Variants in AKAP6 observed in about 807,000 individuals in gnomAD.
The protein encoded by AKAP6 is A-kinase anchor protein 6.
In AKAP6, 58 loss-of-function variants were observed where a neutral mutation model predicts 188.5. The ratio of observed to expected loss-of-function variants is 0.31; its 90% confidence interval spans 0.25 to 0.38. The LOEUF is 0.38. AKAP6 is among the 10% of genes least tolerant of loss of function. The pLI is 1.00. For synonymous variants in AKAP6, 989 were observed against 998.6 expected (o/e 0.99, Z 0.18); for missense variants, 2,710 against 2,740.0 (o/e 0.99, Z 0.24).
Position 32,821,661 on chromosome 14 carries a change from C to T in AKAP6, c.3848C>T (p.Pro1283Leu), listed in dbSNP as rs1297200762. 5 of 1,613,512 alleles carry T rather than the reference C, an allele frequency of 3.1e-6. No homozygotes were observed. The highest frequency in any genetic ancestry group is 2.7e-5 in the African/African-American group (2 of 74,808). ...YASNITAPSSPHIYQVYSLHN... is the reference protein window; with the variant it reads ...YASNITAPSSLHIYQVYSLHN... ...TCAAATATTACTGCCCCCTCTAGTC[C>T]ACACATTTACCAGGTGTACAGCCTC... Residue 1283 changes from proline (P) to leucine (L), a missense_variant, in exon 13 of 14, where the codon CCA becomes CTA. Pro to Leu is a moderately conservative substitution (Grantham distance 98, BLOSUM62 -3). Transcript: ENST00000280979.
chr14:32,744,586 G>A (rs2207203), intron 11 of AKAP6, among the ~76,000 whole-genome samples: 29,983 of 152,034 alleles, frequency 0.2, 3,122 homozygotes, highest in East Asian at 0.33. Flanking sequence ...CAAAGTACTG[G>A]GATTACAGGC....
chr14:32,723,723 A>G (rs1314057289), intron 9 of AKAP6, among the ~76,000 whole-genome samples: 1 of 152,164 alleles, frequency 6.6e-6, no homozygotes, highest in East Asian at 1.9e-4. Context: ...CCCATCCTCC[A>G]CAGTTCACAC....
Position 32,821,652 on chromosome 14 carries a change from C to G in AKAP6, c.3839C>G (p.Pro1280Arg). ...CAGTATGCCTCAAATATTACTGCCC[C>G]CTCTAGTCCACACATTTACCAGGTG... The part of the protein sequence containing the change: ...GSQYASNITA[P>R]SSPHIYQVYS... The change falls in exon 13 of 14, where the codon CCC (proline) becomes CGC (arginine). Residue 1280 changes from proline to arginine, a missense_variant. By Grantham distance (103) the Pro-to-Arg change is moderately radical (BLOSUM62 -2). This residue lies in a region of AKAP6 where 2,473 missense variants were observed against 2,426.1 expected (regional missense o/e 1.02). Transcript: ENST00000280979. The G allele has an allele frequency of 6.2e-7, 1 of 1,613,594 alleles. No homozygotes were observed. The highest frequency in any genetic ancestry group is 8.5e-7 in the Non-Finnish European group (1 of 1,179,868).
At chr14:32,479,860 C>T (rs1045767174) in intron 2 of AKAP6, among the ~76,000 whole-genome samples, 7 of 152,192 alleles carry the variant, frequency 4.6e-5, no homozygotes, top group Admixed American at 1.3e-4. Flanking sequence ...TGGGACTTCC[C>T]AGCCTCCAGA....
intron 3 of AKAP6, among the ~76,000 whole-genome samples, chr14:32,542,972 A>C (rs1169365669): frequency 6.6e-6 from 1 of 152,216 alleles, no homozygotes; most frequent in Non-Finnish European, 1.5e-5. Flanking sequence ...ATTTTGATAC[A>C]TGCACACAAT....
rs1205114144 is a variant in AKAP6 at position 32,433,790 on chromosome 14, T to C, written c.297T>C (p.His99=). 1.2e-6 allele frequency: 2 copies of C among 1,613,748 alleles called. No homozygotes were observed. The highest frequency in any genetic ancestry group is 1.7e-6 in the Non-Finnish European group (2 of 1,179,986). ...YSVQQDSDSK[H]VDVHLVQLKD... ...TCCAGCAGGATTCGGACAGCAAGCA[T>C]GTGGATGTACATCTAGTTCAACTAA... Residue 99 remains histidine, a synonymous_variant, in exon 2 of 14, where the codon CAT becomes CAC. Transcript: ENST00000280979.
At chr14:32,351,563 A>AG (rs1397371659) in intron 1 of AKAP6, among the ~76,000 whole-genome samples, 1 of 75,860 alleles carries the variant, frequency 1.3e-5, no homozygotes, top group African/African-American at 9.2e-5. Flanking sequence ...ACTTCATCTC[A>AG]AAAAAAAAAA....
At chr14:32,628,641 C>A (rs7146517) in intron 7 of AKAP6, among the ~76,000 whole-genome samples, 1 of 151,766 alleles carries the variant, frequency 6.6e-6, no homozygotes, top group African/African-American at 2.4e-5. Context: ...TAGATTTGCA[C>A]GCATTTGCCA....
intron 1 of AKAP6, among the ~76,000 whole-genome samples, chr14:32,350,898 A>G (rs1212736800): frequency 1.3e-5 from 2 of 152,162 alleles, no homozygotes; most frequent in Non-Finnish European, 2.9e-5. Context: ...ACCCCATTCT[A>G]ATAGCACAGG....
chr14:32,572,851 AAGTAGGAGGT>A (rs1353547173), intron 4 of AKAP6, among the ~76,000 whole-genome samples: 1 of 152,186 alleles, frequency 6.6e-6, no homozygotes, highest in Non-Finnish European at 1.5e-5. Context: ...AATGATTTGA[AAGTAGGAGGT>A]ATGCTGACAA....
chr14:32,758,769 G>A (rs1357198486), intron 11 of AKAP6, among the ~76,000 whole-genome samples: 3 of 151,938 alleles, frequency 2.0e-5, no homozygotes, highest in African/African-American at 7.2e-5. Flanking sequence ...TGATCACAGG[G>A]GCTACTATGA....
Position 32,829,898 on chromosome 14 carries a change from G to C in AKAP6, c.*93G>C, listed in dbSNP as rs2034784666. 1.4e-6 allele frequency: 1 copy of C among 702,658 alleles called. No individual in the cohort carries two copies. Among genetic ancestry groups the C allele is most frequent in the Non-Finnish European group, 2.6e-6 (1 of 384,758 alleles). The allele number at this position is 702,658 out of a possible 1,614,324, so 43.5% of individuals were successfully genotyped here. On this transcript the variant is annotated 3_prime_UTR_variant, in exon 14 of 14. Coordinates refer to ENST00000280979, the MANE Select transcript of AKAP6 (RefSeq NM_004274.5). ...GGCCTCATCCTCCCGCCCTGGGCTG[G>C]CCTCTGGTTCCATCACGTTTGTCAC...
chr14:32,789,461 C>T (rs1034327288), intron 12 of AKAP6, among the ~76,000 whole-genome samples: 4 of 152,224 alleles, frequency 2.6e-5, no homozygotes, highest in Non-Finnish European at 5.9e-5. Context: ...CCACCTTCTA[C>T]AGGTGTGGTT....
chr14:32,551,008 C>T (rs1269829123), intron 4 of AKAP6, among the ~76,000 whole-genome samples: 3 of 152,232 alleles, frequency 2.0e-5, no homozygotes, highest in Non-Finnish European at 1.5e-5. Flanking sequence ...CTCCAAACTC[C>T]ACAATAGAGG....
At position 32,830,987 on chromosome 14, in the gene AKAP6, A is replaced by G. The variant is rs546913826; in HGVS notation, c.*1182A>G. ...TTTTCAAAATCTTTCTGGTCACTATAAAGATCTTGGAACAGCAAATGATTA... is the reference window on the plus strand; with the variant it reads ...TTTTCAAAATCTTTCTGGTCACTATGAAGATCTTGGAACAGCAAATGATTA... On this transcript the variant is annotated 3_prime_UTR_variant, in exon 14 of 14. Coordinates refer to ENST00000280979, the MANE Select transcript of AKAP6 (RefSeq NM_004274.5). 1.3e-5 allele frequency: 2 copies of G among 152,320 alleles called. No homozygotes were observed. Among genetic ancestry groups the G allele is most frequent in the East Asian group, 3.9e-4 (2 of 5,182 alleles). The allele number at this position is 152,320 out of a possible 1,614,324, so 9.4% of individuals were successfully genotyped here.
intron 5 of AKAP6, among the ~76,000 whole-genome samples, chr14:32,596,076 A>G (rs1011788951): frequency 2.0e-5 from 3 of 152,174 alleles, no homozygotes; most frequent in African/African-American, 4.8e-5. Flanking sequence ...TGCACCTGGC[A>G]AAACTAACAG....
chr14:32,531,680 A>G (rs1157982159), intron 2 of AKAP6, among the ~76,000 whole-genome samples: 3 of 152,132 alleles, frequency 2.0e-5, no homozygotes, highest in African/African-American at 7.2e-5. Flanking sequence ...TCACTCATCT[A>G]TTGTCTATCA....
chr14:32,639,925 A>T (rs886620675), intron 7 of AKAP6, among the ~76,000 whole-genome samples: 5 of 152,034 alleles, frequency 3.3e-5, no homozygotes, highest in African/African-American at 1.2e-4. Context: ...GAGCAGCCAG[A>T]TTGCTTGGGG....
intron 10 of AKAP6, 118 bp from the exon 11 acceptor site, chr14:32,735,540 A>G (rs1418843671): frequency 4.1e-6 from 3 of 739,294 alleles, no homozygotes; most frequent in Admixed American, 3.1e-5. Context: ...CTCGTTACCA[A>G]CAAAACTGTG....
Sources: allele counts gnomAD v4.1 joint callset (sites outside exome capture counted in the v4.1 genomes callset), GRCh38; gene constraint gnomAD v4.1.1; regional missense constraint gnomAD v4.1.1; transcripts MANE v1.5; gene names NCBI Gene and HGNC (gene_info 2026-07-23, HGNC 2026-07-21).